The following GPC5 variants were observed in gnomAD, a reference collection of about 807,000 sequenced individuals.
GPC5 encodes the protein glypican 5.
GPC5 carries 47 observed loss-of-function variants against 53.9 expected under a neutral mutation model. That is an observed-to-expected ratio of 0.87 (90% CI 0.69 to 1.11). The LOEUF (loss-of-function observed/expected upper bound fraction) is 1.11, where lower values mean the gene tolerates loss of function less well. Among genes scored for constraint, GPC5 ranks in the 50% most tolerant of loss-of-function variants. GPC5 has a pLI of 0.00. For missense variants in GPC5, 748 were observed against 713.1 expected (o/e 1.05, Z -0.56); for synonymous variants, 286 against 263.3 (o/e 1.09, Z -0.84).
At chr13:91,581,484 C>T (rs1255512327) in intron 2 of GPC5, among the ~76,000 whole-genome samples, 1 of 152,118 alleles carries the variant, frequency 6.6e-6, no homozygotes, top group Non-Finnish European at 1.5e-5. Flanking sequence ...CTCTGATCTG[C>T]CTGCTTTCAT....
intron 7 of GPC5, among the ~76,000 whole-genome samples, chr13:92,443,953 C>G (rs1877686881): frequency 6.6e-6 from 1 of 152,150 alleles, no homozygotes; most frequent in South Asian, 2.1e-4. Context: ...GTGTGGATTC[C>G]TATTATTTCC....
chr13:92,754,041 G>T (rs551307435), intron 7 of GPC5, among the ~76,000 whole-genome samples: 324 of 152,252 alleles, frequency 2.1e-3, no homozygotes, highest in African/African-American at 7.3e-3. Context: ...ATTCACCAAA[G>T]TTGAAATGAA....
At chr13:92,814,978 A>G (rs1877418486) in intron 7 of GPC5, among the ~76,000 whole-genome samples, 1 of 151,958 alleles carries the variant, frequency 6.6e-6, no homozygotes, top group South Asian at 2.1e-4. Flanking sequence ...TTATTTTCTT[A>G]AGAATAATAA....
intron 7 of GPC5, among the ~76,000 whole-genome samples, chr13:92,606,297 C>T (rs187310191): frequency 2.0e-5 from 3 of 152,076 alleles, no homozygotes; most frequent in Non-Finnish European, 4.4e-5. Flanking sequence ...TCCAAGTGTT[C>T]TCATTGTTCA....
intron 7 of GPC5, among the ~76,000 whole-genome samples, chr13:92,419,390 T>A (rs1876461085): frequency 6.6e-6 from 1 of 152,206 alleles, no homozygotes; most frequent in Admixed American, 6.5e-5. Flanking sequence ...GCTTTCTTGC[T>A]GGAATACTTT....
At chr13:92,374,852 A>AT (rs778247977) in intron 7 of GPC5, among the ~76,000 whole-genome samples, 1,316 of 96,790 alleles carry the variant, frequency 0.014, 21 homozygotes, top group Middle Eastern at 0.058. Flanking sequence ...TTAAAGTATA[A>AT]TAAAAAAAAA....
At chr13:91,606,968 T>G (rs1036143689) in intron 2 of GPC5, among the ~76,000 whole-genome samples, 1 of 151,644 alleles carries the variant, frequency 6.6e-6, no homozygotes, top group Non-Finnish European at 1.5e-5. Context: ...AGTTCTGCTC[T>G]GATTTTAGTT....
chr13:92,282,851 C>G lies in GPC5; in HGVS notation c.1561+137862C>G, dbSNP rs1256015752. On this transcript the variant is annotated intron_variant, in intron 7 of 7. Transcript: ENST00000377067. ...TACATCAACTAGTGAGCAAAATAAC[C>G]AGCTAACATCATAATGACAGGATCA... Among the ~76,000 whole-genome samples the G allele has an allele frequency of 2.6e-5, 4 of 152,268 alleles. No individual in the cohort carries two copies. In the South Asian group the frequency reaches 8.3e-4, roughly 32 times the overall value.
intron 6 of GPC5, among the ~76,000 whole-genome samples, chr13:92,064,616 C>T (rs1007460483): frequency 5.3e-5 from 8 of 151,632 alleles, no homozygotes; most frequent in African/African-American, 1.9e-4. Flanking sequence ...ATTAGCTAGG[C>T]GTGGTGGGGG....
chr13:92,793,539 C>G (rs755480976), intron 7 of GPC5, among the ~76,000 whole-genome samples: 28 of 151,700 alleles, frequency 1.8e-4, no homozygotes, highest in Non-Finnish European at 3.5e-4. Context: ...AAGATCAGAG[C>G]GGAACTGAGA....
intron 2 of GPC5, among the ~76,000 whole-genome samples, chr13:91,569,214 A>G (rs1359110855): frequency 3.3e-5 from 5 of 152,192 alleles, no homozygotes; most frequent in African/African-American, 9.7e-5. Context: ...TGAAAGTGTC[A>G]CTTGAAATTA....
chr13:91,398,810 GGAA>G lies in GPC5; in HGVS notation c.-231_-229del, dbSNP rs372652486. 212 of 452,244 alleles carry G rather than the reference GGAA, an allele frequency of 4.7e-4. 3 individuals carry two copies. The South Asian group carries it at 9.1e-3, about 19-fold the overall frequency. 28.0% of individuals were successfully genotyped at this position (452,244 alleles called of 1,614,324 possible). Reference sequence around the variant, plus strand: ...CCAGCCGCCCACTCTTCTCGGCTAGGGAAGAAGACCAGAGGGTGCTCAGCTGGA... The same window carrying G: ...CCAGCCGCCCACTCTTCTCGGCTAGGGAAGACCAGAGGGTGCTCAGCTGGA... On this transcript the variant is annotated 5_prime_UTR_variant, in exon 1 of 8. Transcript: ENST00000377067.
chr13:92,385,487 C>CATATAT (rs1566567682), intron 7 of GPC5, among the ~76,000 whole-genome samples: 4 of 55,422 alleles, frequency 7.2e-5, no homozygotes, highest in African/African-American at 3.8e-4. Flanking sequence ...TACATATATA[C>CATATAT]ACATATATAC....
intron 6 of GPC5, among the ~76,000 whole-genome samples, chr13:92,085,942 C>T (rs1239202841): frequency 6.6e-6 from 1 of 152,200 alleles, no homozygotes; most frequent in Non-Finnish European, 1.5e-5. Context: ...CCGTGCTTTG[C>T]AGTCTTGTTC....
intron 7 of GPC5, among the ~76,000 whole-genome samples, chr13:92,809,105 C>G (rs1877204007): frequency 6.6e-6 from 1 of 152,114 alleles, no homozygotes; most frequent in African/African-American, 2.4e-5. Context: ...CTTCATTTTG[C>G]CTCAGTTCCC....
At chr13:92,520,543 C>T (rs1200502165) in intron 7 of GPC5, among the ~76,000 whole-genome samples, 3 of 152,142 alleles carry the variant, frequency 2.0e-5, no homozygotes, top group Non-Finnish European at 2.9e-5. Flanking sequence ...ATGATTGTCT[C>T]AATAGATGCA....
intron 6 of GPC5, among the ~76,000 whole-genome samples, chr13:91,937,013 C>T (rs1367417396): frequency 6.6e-6 from 1 of 152,042 alleles, no homozygotes; most frequent in African/African-American, 2.4e-5. Context: ...CACAGTCTTC[C>T]ATTAAACAGA....
chr13:92,204,711 C>G (rs1282827545), intron 7 of GPC5, among the ~76,000 whole-genome samples: 1 of 152,148 alleles, frequency 6.6e-6, no homozygotes, highest in African/African-American at 2.4e-5. Flanking sequence ...AAGGAAGAAA[C>G]ACATAGGGCA....
At chr13:92,168,195 G>A (rs2139017263) in intron 7 of GPC5, among the ~76,000 whole-genome samples, 1 of 152,186 alleles carries the variant, frequency 6.6e-6, no homozygotes, top group East Asian at 1.9e-4. Context: ...ACTGAAGATG[G>A]ATTAAAGACA....
Sources: allele counts gnomAD v4.1 joint callset (sites outside exome capture counted in the v4.1 genomes callset), GRCh38; gene constraint gnomAD v4.1.1; transcripts MANE v1.5; gene names NCBI Gene and HGNC (gene_info 2026-07-23, HGNC 2026-07-21).